ZBTB16: variants seen among roughly 807,000 people sequenced by gnomAD.
The protein encoded by ZBTB16 is zinc finger and BTB domain containing 16.
In ZBTB16, 8 loss-of-function variants were observed where a neutral mutation model predicts 56.8. That is an observed-to-expected ratio of 0.14 (90% CI 0.08 to 0.25). The LOEUF is 0.25. Ranked by LOEUF, ZBTB16 falls within the 10% of genes least tolerant of loss-of-function variation. The pLI is 1.00. For missense variants in ZBTB16, 625 were observed against 903.0 expected (o/e 0.69, Z 3.95); for synonymous variants, 363 against 368.5 (o/e 0.98, Z 0.17).
At chr11:114,073,730 A>G (rs1939436878) in intron 2 of ZBTB16, among the ~76,000 whole-genome samples, 1 of 152,206 alleles carries the variant, frequency 6.6e-6, no homozygotes, top group Non-Finnish European at 1.5e-5. Flanking sequence ...TGTTACTGAG[A>G]AAGTTGTTAG....
intron 2 of ZBTB16, among the ~76,000 whole-genome samples, chr11:114,125,378 T>C (rs17116440): frequency 0.01 from 1,582 of 152,274 alleles, 32 homozygotes; most frequent in African/African-American, 0.036. Context: ...TATGTAACCG[T>C]AGAGCAGCCT....
chr11:114,130,266 G>T (rs1365045383), intron 2 of ZBTB16, among the ~76,000 whole-genome samples: 1 of 152,122 alleles, frequency 6.6e-6, no homozygotes, highest in Non-Finnish European at 1.5e-5. Flanking sequence ...TATCCCTCTG[G>T]ACTCCGCCAG....
chr11:114,106,871 CT>C (rs1471474968), intron 2 of ZBTB16, among the ~76,000 whole-genome samples: 1 of 152,114 alleles, frequency 6.6e-6, no homozygotes, highest in African/African-American at 2.4e-5. Flanking sequence ...ATTGGTCTTT[CT>C]TATTTTGTAA....
chr11:114,099,137 T>C (rs1940519887), intron 2 of ZBTB16, among the ~76,000 whole-genome samples: 1 of 152,234 alleles, frequency 6.6e-6, no homozygotes, highest in Non-Finnish European at 1.5e-5. Flanking sequence ...AGCAATGTTC[T>C]GTTTGTTAAA....
intron 4 of ZBTB16, among the ~76,000 whole-genome samples, chr11:114,192,565 C>T (rs1943522827): frequency 6.6e-6 from 1 of 152,232 alleles, no homozygotes; most frequent in Non-Finnish European, 1.5e-5. Flanking sequence ...GAAAACATGC[C>T]TCCTGACTGG....
intron 2 of ZBTB16, among the ~76,000 whole-genome samples, chr11:114,089,780 G>A (rs539331896): frequency 1.4e-4 from 22 of 152,330 alleles, no homozygotes; most frequent in Middle Eastern, 3.4e-3. Context: ...ACCTGGTATA[G>A]GTATGAGGTG....
At chr11:114,097,083 T>C (rs1940443319) in intron 2 of ZBTB16, among the ~76,000 whole-genome samples, 1 of 152,188 alleles carries the variant, frequency 6.6e-6, no homozygotes, top group Admixed American at 6.5e-5. Context: ...TGACAAAATG[T>C]GGTATATACA....
intron 5 of ZBTB16, among the ~76,000 whole-genome samples, chr11:114,244,365 T>TGG (rs1187381966): frequency 2.5e-4 from 20 of 80,446 alleles, no homozygotes; most frequent in African/African-American, 9.7e-4. Flanking sequence ...AAGGACAGAT[T>TGG]GGGGGGGGCG....
Position 114,077,701 on chromosome 11 carries a change from T to C in ZBTB16, c.1268+13133T>C, listed in dbSNP as rs149177467. 4.6e-3 allele frequency among the ~76,000 whole-genome samples: 694 copies of C among 152,242 alleles called. 3 individuals are homozygous for C. The highest frequency in any genetic ancestry group is 8.5e-3 in the Non-Finnish European group (581 of 68,002). ...CTTGCCTTGCAAAGCAGGCTGCACC[T>C]CCTGACACACCTGCCCCTCCCTGCA... On this transcript the variant is annotated intron_variant, in intron 2 of 6. Coordinates refer to ENST00000335953, the MANE Select transcript of ZBTB16 (RefSeq NM_006006.6).
At chr11:114,166,201 C>CGTGTGTGTGTGTGTGT (rs3057730) in intron 3 of ZBTB16, among the ~76,000 whole-genome samples, 14 of 134,074 alleles carry the variant, frequency 1.0e-4, no homozygotes, top group African/African-American at 3.4e-4. Context: ...GACTGGTCTA[C>CGTGTGTGTGTGTGTGT]GTGTGTGTGT....
At chr11:114,107,923 T>G (rs1420918008) in intron 2 of ZBTB16, among the ~76,000 whole-genome samples, 1 of 152,010 alleles carries the variant, frequency 6.6e-6, no homozygotes, top group Non-Finnish European at 1.5e-5. Flanking sequence ...GACTTTTTTT[T>G]TTTTAAAGCC....
chr11:114,255,701 G>T lies in ZBTB16; in HGVS notation c.*5146G>T, dbSNP rs1353012460. Among the ~76,000 whole-genome samples the T allele has an allele frequency of 7.4e-6, 1 of 134,566 alleles. No homozygotes were observed. The highest frequency in any genetic ancestry group is 2.1e-4 in the East Asian group (1 of 4,710). The allele number at this position is 134,566 out of a possible 152,430, so 88.3% of individuals were successfully genotyped here. Reference sequence around the variant, plus strand: ...ATTGACGCGTTTCTTTGTAATTTCAGTGTTTCTGACAAGATTTAAAAAAAA... The same window carrying T: ...ATTGACGCGTTTCTTTGTAATTTCATTGTTTCTGACAAGATTTAAAAAAAA... On this transcript the variant is annotated 3_prime_UTR_variant, in exon 7 of 7. Coordinates refer to ENST00000335953, the MANE Select transcript of ZBTB16 (RefSeq NM_006006.6).
At chr11:114,114,431 G>C (rs1016207479) in intron 2 of ZBTB16, among the ~76,000 whole-genome samples, 1 of 152,170 alleles carries the variant, frequency 6.6e-6, no homozygotes, top group African/African-American at 2.4e-5. Flanking sequence ...CTCCTACTTG[G>C]TTGATCTTTA....
At chr11:114,201,980 A>G (rs556552046) in intron 4 of ZBTB16, among the ~76,000 whole-genome samples, 142 of 152,346 alleles carry the variant, frequency 9.3e-4, no homozygotes, top group Admixed American at 3.0e-3. Context: ...GCAAGTACAA[A>G]TAAATGAGTT....
At chr11:114,108,108 C>T (rs1940862869) in intron 2 of ZBTB16, among the ~76,000 whole-genome samples, 2 of 152,078 alleles carry the variant, frequency 1.3e-5, no homozygotes, top group African/African-American at 4.8e-5. Context: ...CTTTATCATT[C>T]ATTAATTCCT....
At chr11:114,100,960 G>T (rs1218505003) in intron 2 of ZBTB16, among the ~76,000 whole-genome samples, 2 of 152,028 alleles carry the variant, frequency 1.3e-5, no homozygotes, top group African/African-American at 2.4e-5. Flanking sequence ...CATCTCGGGG[G>T]TCCCCGGGGG....
intron 4 of ZBTB16, among the ~76,000 whole-genome samples, chr11:114,214,066 A>G (rs918273629): frequency 6.6e-6 from 1 of 152,198 alleles, no homozygotes; most frequent in Non-Finnish European, 1.5e-5. Flanking sequence ...AGACCAGCAA[A>G]AGGTCACTGT....
intron 2 of ZBTB16, among the ~76,000 whole-genome samples, chr11:114,125,399 G>A (rs1251651067): frequency 6.6e-6 from 1 of 152,160 alleles, no homozygotes; most frequent in Non-Finnish European, 1.5e-5. Context: ...TTTGAGGTAG[G>A]AGACAGGTGG....
intron 2 of ZBTB16, among the ~76,000 whole-genome samples, chr11:114,067,216 C>T (rs1312142288): frequency 6.6e-6 from 1 of 152,174 alleles, no homozygotes; most frequent in Non-Finnish European, 1.5e-5. Flanking sequence ...GTTTAGGCCT[C>T]ATCTCTGCAT....
Sources: gnomAD v4.1 joint callset for allele counts (sites outside exome capture counted in the v4.1 genomes callset) on GRCh38, gnomAD v4.1.1 for gene constraint, MANE v1.5 for transcripts, NCBI Gene and HGNC (gene_info 2026-07-23, HGNC 2026-07-21) for gene names.